CSMD1: variants seen among roughly 807,000 people sequenced by gnomAD.
The protein encoded by CSMD1 is CUB and sushi domain-containing protein 1.
Under a neutral mutation model 417.5 loss-of-function variants are expected in CSMD1, and 213 were observed. The observed-to-expected ratio is 0.51, with a 90% CI of 0.46 to 0.57. CSMD1 has a LOEUF of 0.57. CSMD1 is among the 20% of genes least tolerant of loss of function. The pLI, the probability that CSMD1 is intolerant of heterozygous loss-of-function variation, is 0.00. For missense variants in CSMD1, 6,923 were observed against 4,529.7 expected (o/e 1.53, Z -15.17); for synonymous variants, 2,862 against 1,736.8 (o/e 1.65, Z -16.11).
chr8:4,317,750 G>T (rs1003409167), intron 3 of CSMD1, among the ~76,000 whole-genome samples: 1 of 152,084 alleles, frequency 6.6e-6, no homozygotes, highest in South Asian at 2.1e-4. Context: ...GTACCATTTA[G>T]GTTACTTCCA....
chr8:4,385,349 G>A (rs1371287257), intron 3 of CSMD1, among the ~76,000 whole-genome samples: 2 of 152,174 alleles, frequency 1.3e-5, no homozygotes, highest in Admixed American at 6.5e-5. Context: ...GCCCTTCACT[G>A]CCACAAATAA....
chr8:3,702,782 A>T (rs925754663), intron 7 of CSMD1, among the ~76,000 whole-genome samples: 4 of 152,212 alleles, frequency 2.6e-5, no homozygotes, highest in African/African-American at 9.6e-5. Flanking sequence ...CAGTTAGCTG[A>T]GATCGCACCA....
At chr8:3,834,954 A>G (rs192477476) in intron 5 of CSMD1, among the ~76,000 whole-genome samples, 5 of 152,214 alleles carry the variant, frequency 3.3e-5, no homozygotes, top group Middle Eastern at 3.4e-3. Flanking sequence ...GCAGTCAAAA[A>G]ACACATGAAA....
intron 41 of CSMD1, among the ~76,000 whole-genome samples, chr8:3,131,169 CA>C (rs1349258965): frequency 1.3e-5 from 2 of 151,976 alleles, no homozygotes; most frequent in African/African-American, 4.8e-5. Context: ...TGCGATAAAG[CA>C]AAATTTGTGG....
chr8:3,022,836 G>C (rs1312026005), intron 51 of CSMD1, among the ~76,000 whole-genome samples: 4 of 152,158 alleles, frequency 2.6e-5, no homozygotes, highest in Non-Finnish European at 5.9e-5. Flanking sequence ...ACTCCGTATA[G>C]ATCAGAGTCA....
chr8:4,095,017 G>A (rs1800927169), intron 3 of CSMD1, among the ~76,000 whole-genome samples: 2 of 152,112 alleles, frequency 1.3e-5, no homozygotes, highest in Admixed American at 6.5e-5. Flanking sequence ...AGAGACCATG[G>A]CAACAAAGAT....
At chr8:3,413,900 A>T (rs189106094) in intron 12 of CSMD1, among the ~76,000 whole-genome samples, 1 of 152,176 alleles carries the variant, frequency 6.6e-6, no homozygotes, top group East Asian at 1.9e-4. Context: ...GCACTTTGGA[A>T]GGCCGAGGTG....
At chr8:3,607,651 T>C (rs760954278) in intron 8 of CSMD1, among the ~76,000 whole-genome samples, 1 of 152,184 alleles carries the variant, frequency 6.6e-6, no homozygotes, top group Non-Finnish European at 1.5e-5. Context: ...ATATATGCAG[T>C]CCATTGTTAG....
intron 7 of CSMD1, among the ~76,000 whole-genome samples, chr8:3,670,578 G>T (rs796797759): frequency 0.035 from 3,823 of 109,494 alleles, 234 homozygotes; most frequent in African/African-American, 0.11. Context: ...ATATATATGG[G>T]ATATATATGG....
chr8:3,709,680 G>GGCTTTTTTTTTTTTTT lies in CSMD1; in HGVS notation c.932-1190_932-1189insAAAAAAAAAAAAAAGC, dbSNP rs1554518393. Among the ~76,000 whole-genome samples the GGCTTTTTTTTTTTTTT allele has an allele frequency of 8.6e-4, 29 of 33,700 alleles. 4 individuals are homozygous for GGCTTTTTTTTTTTTTT. Among genetic ancestry groups the GGCTTTTTTTTTTTTTT allele is most frequent in the African/African-American group, 2.4e-3 (23 of 9,450 alleles). 22.1% of individuals were successfully genotyped at this position (33,700 alleles called of 152,430 possible). On this transcript the variant is annotated intron_variant, in intron 6 of 69. Transcript: ENST00000635120. The stretch of plus-strand genomic sequence containing the variant: ...GATGGGCTTTAAATTGCAGCAGCAT[G>GGCTTTTTTTTTTTTTT]TTTTTTTTTTTTTTTTTTTTTTTTT...
chr8:3,927,849 T>C (rs865962955), intron 5 of CSMD1, among the ~76,000 whole-genome samples: 2 of 152,196 alleles, frequency 1.3e-5, no homozygotes, highest in African/African-American at 4.8e-5. Flanking sequence ...GCAGATACTT[T>C]TTTATAAAAT....
At chr8:4,559,707 G>C (rs900399494) in intron 2 of CSMD1, among the ~76,000 whole-genome samples, 1 of 152,342 alleles carries the variant, frequency 6.6e-6, no homozygotes, top group Admixed American at 6.5e-5. Context: ...CAGCAAAGAT[G>C]CTGCGTAGCA....
At position 3,854,889 on chromosome 8, in the gene CSMD1, A is replaced by G. The variant is rs931026336; in HGVS notation, c.819-100847T>C. 3.9e-5 allele frequency among the ~76,000 whole-genome samples: 6 copies of G among 152,326 alleles called. No individual in the cohort carries two copies. The South Asian group carries it at 1.2e-3, about 32-fold the overall frequency. On this transcript the variant is annotated intron_variant, in intron 5 of 69. Transcript: ENST00000635120. ...TTTCAGAGTAAAATATTATATGGAC[A>G]TTACAATTCACTCGCAAAGCATTTC...
At chr8:3,261,406 T>G (rs1461536657) in intron 26 of CSMD1, among the ~76,000 whole-genome samples, 1 of 152,190 alleles carries the variant, frequency 6.6e-6, no homozygotes, top group East Asian at 1.9e-4. Context: ...ACAAATATGG[T>G]GCAGTATATA....
chr8:4,643,329 T>C (rs1217458876), intron 1 of CSMD1, among the ~76,000 whole-genome samples: 1 of 152,342 alleles, frequency 6.6e-6, no homozygotes, highest in Non-Finnish European at 1.5e-5. Flanking sequence ...TTCATGTCTA[T>C]ATAAATTACT....
chr8:4,443,770 A>G (rs1265580236), intron 2 of CSMD1, among the ~76,000 whole-genome samples: 1 of 152,190 alleles, frequency 6.6e-6, no homozygotes. Context: ...AACACATTCT[A>G]TCTCTACCAA....
rs71523635 is a variant in CSMD1 at position 4,554,843 on chromosome 8, G to A, written c.302+82499C>T. On this transcript the variant is annotated intron_variant, in intron 2 of 69. Transcript: ENST00000635120. The stretch of plus-strand genomic sequence containing the variant: ...TATTTTCTGAGTAAGCATTGATGGG[G>A]TTAAAAGCTGAAGATAAATAGAAGG... 2.8e-3 allele frequency among the ~76,000 whole-genome samples: 429 copies of A among 152,288 alleles called. 3 individuals carry two copies. Among genetic ancestry groups the A allele is most frequent in the Non-Finnish European group, 4.5e-3 (309 of 68,018 alleles).
chr8:3,743,798 G>A (rs375117839), intron 6 of CSMD1, among the ~76,000 whole-genome samples: 5 of 152,084 alleles, frequency 3.3e-5, no homozygotes, highest in Non-Finnish European at 5.9e-5. Context: ...TACAGCTGCC[G>A]TCACTCCCTT....
intron 22 of CSMD1, among the ~76,000 whole-genome samples, chr8:3,344,468 A>G (rs1266710501): frequency 6.6e-6 from 1 of 152,222 alleles, no homozygotes; most frequent in African/African-American, 2.4e-5. Context: ...AATAAAATAA[A>G]GTAAAATAAA....
Sources: allele counts gnomAD v4.1 joint callset (sites outside exome capture counted in the v4.1 genomes callset), GRCh38; gene constraint gnomAD v4.1.1; transcripts MANE v1.5; gene names NCBI Gene and HGNC (gene_info 2026-07-23, HGNC 2026-07-21).